The following PLCXD3 variants were observed in gnomAD, a reference collection of about 807,000 sequenced individuals.
The protein encoded by PLCXD3 is PI-PLC X domain-containing protein 3.
A neutral mutation model predicts 25.5 loss-of-function variants in PLCXD3; 19 were observed. The observed-to-expected ratio is 0.75, with a 90% CI of 0.52 to 1.09. PLCXD3 has a LOEUF of 1.09. PLCXD3 is among the 50% of genes least tolerant of loss of function. The pLI is 0.00. For missense variants in PLCXD3, 411 were observed against 388.1 expected (o/e 1.06, Z -0.50); for synonymous variants, 174 against 137.6 (o/e 1.26, Z -1.85).
At chr5:41,422,424 T>C (rs1477341663) in intron 1 of PLCXD3, among the ~76,000 whole-genome samples, 1 of 152,206 alleles carries the variant, frequency 6.6e-6, no homozygotes, top group African/African-American at 2.4e-5. Flanking sequence ...CATCTTTTCA[T>C]ATCTGGGTAG....
chr5:41,376,625 T>C (rs319005), intron 2 of PLCXD3, among the ~76,000 whole-genome samples: 43,565 of 151,982 alleles, frequency 0.29, 6,985 homozygotes, highest in African/African-American at 0.42. Context: ...GCTACCCCTA[T>C]CCATCTCTGC....
chr5:41,386,457 G>A (rs1450107496), intron 1 of PLCXD3, among the ~76,000 whole-genome samples: 1 of 152,076 alleles, frequency 6.6e-6, no homozygotes, highest in African/African-American at 2.4e-5. Context: ...GGTATGGTAG[G>A]AAGATTGCCC....
At chr5:41,479,210 C>T (rs1748342627) in intron 1 of PLCXD3, among the ~76,000 whole-genome samples, 1 of 152,086 alleles carries the variant, frequency 6.6e-6, no homozygotes, top group Non-Finnish European at 1.5e-5. Flanking sequence ...CAGACCCATG[C>T]AAAGTGAAAT....
At chr5:41,376,522 C>T (rs1242217967) in intron 2 of PLCXD3, among the ~76,000 whole-genome samples, 1 of 152,070 alleles carries the variant, frequency 6.6e-6, no homozygotes, top group Admixed American at 6.6e-5. Context: ...TTCCTTTGCA[C>T]ATCACTCTGT....
intron 2 of PLCXD3, among the ~76,000 whole-genome samples, chr5:41,372,347 C>A (rs1677460): frequency 5.3e-5 from 7 of 132,470 alleles, no homozygotes; most frequent in East Asian, 2.1e-4. Flanking sequence ...CACACACACA[C>A]ACCAGGCACT....
At chr5:41,467,488 C>G (rs1748044813) in intron 1 of PLCXD3, among the ~76,000 whole-genome samples, 2 of 152,024 alleles carry the variant, frequency 1.3e-5, no homozygotes, top group Non-Finnish European at 2.9e-5. Flanking sequence ...AGTATTTTCT[C>G]CCATTCTGTG....
intron 1 of PLCXD3, among the ~76,000 whole-genome samples, chr5:41,502,506 T>C (rs1440805129): frequency 6.6e-6 from 1 of 152,084 alleles, no homozygotes; most frequent in Non-Finnish European, 1.5e-5. Context: ...AGATGTGATG[T>C]AATCAGTACA....
intron 1 of PLCXD3, among the ~76,000 whole-genome samples, chr5:41,458,418 C>T (rs547531096): frequency 1.3e-4 from 20 of 151,898 alleles, no homozygotes; most frequent in African/African-American, 3.6e-4. Flanking sequence ...GAAATGTGAC[C>T]AGGCTGAATA....
chr5:41,319,932 T>C (rs1743414262), intron 2 of PLCXD3, among the ~76,000 whole-genome samples: 1 of 152,076 alleles, frequency 6.6e-6, no homozygotes, highest in South Asian at 2.1e-4. Context: ...ACATTACAAC[T>C]GACACTGCAG....
intron 2 of PLCXD3, among the ~76,000 whole-genome samples, chr5:41,356,988 A>G (rs776610499): frequency 6.6e-6 from 1 of 152,228 alleles, no homozygotes; most frequent in Non-Finnish European, 1.5e-5. Flanking sequence ...GGTGATAGAG[A>G]TCCTAGATGC....
In PLCXD3 at chr5:41,470,866, C is replaced by T. The variant is rs949686826; in HGVS notation, c.103+39558G>A. ...ATACATTTGCCACCTGATCTGCCGG[C>T]AGTGAGTCCCAAGAGTTAATAAACT... On this transcript the variant is annotated intron_variant, in intron 1 of 2. Coordinates refer to ENST00000377801, the MANE Select transcript of PLCXD3 (RefSeq NM_001005473.3). Among the ~76,000 whole-genome samples, 3 of 152,164 alleles carry T rather than the reference C, an allele frequency of 2.0e-5. 1 individual carries two copies. Among genetic ancestry groups the T allele is most frequent in the Non-Finnish European group, 4.4e-5 (3 of 68,028 alleles).
intron 2 of PLCXD3, among the ~76,000 whole-genome samples, chr5:41,367,462 A>G (rs1005880522): frequency 1.3e-5 from 2 of 151,994 alleles, no homozygotes; most frequent in Non-Finnish European, 2.9e-5. Flanking sequence ...TCTGTTCATC[A>G]TGTCCTTTGC....
intron 1 of PLCXD3, among the ~76,000 whole-genome samples, chr5:41,425,739 CT>C (rs928786708): frequency 6.6e-6 from 1 of 152,104 alleles, no homozygotes; most frequent in African/African-American, 2.4e-5. Context: ...AGTATGGAGG[CT>C]TTTTGTACTG....
At chr5:41,435,532 G>A (rs909613518) in intron 1 of PLCXD3, among the ~76,000 whole-genome samples, 4 of 152,164 alleles carry the variant, frequency 2.6e-5, no homozygotes, top group African/African-American at 9.7e-5. Context: ...GATGGGAAAG[G>A]TTTTGAGTTT....
intron 1 of PLCXD3, among the ~76,000 whole-genome samples, chr5:41,488,979 G>C (rs958426325): frequency 6.6e-6 from 1 of 152,012 alleles, no homozygotes; most frequent in East Asian, 1.9e-4. Context: ...ATTGCTTTTG[G>C]TGTTTTAGAC....
chr5:41,334,517 A>G (rs1420275134), intron 2 of PLCXD3, among the ~76,000 whole-genome samples: 1 of 152,120 alleles, frequency 6.6e-6, no homozygotes, highest in Non-Finnish European at 1.5e-5. Context: ...CAGTTTTCCA[A>G]GTGGAAAATT....
chr5:41,422,653 T>G (rs1746855034), intron 1 of PLCXD3, among the ~76,000 whole-genome samples: 1 of 152,226 alleles, frequency 6.6e-6, no homozygotes, highest in Non-Finnish European at 1.5e-5. Context: ...TTCTCTTCAT[T>G]TCCTCAGATC....
chr5:41,492,663 C>T (rs1302467272), intron 1 of PLCXD3, among the ~76,000 whole-genome samples: 2 of 152,124 alleles, frequency 1.3e-5, no homozygotes, highest in African/African-American at 2.4e-5. Flanking sequence ...CTAAACTTCC[C>T]TTCTCGCTTC....
intron 2 of PLCXD3, among the ~76,000 whole-genome samples, chr5:41,326,062 C>A (rs2150471823): frequency 6.6e-6 from 1 of 152,306 alleles, no homozygotes; most frequent in South Asian, 2.1e-4. Context: ...ATGCCATCAT[C>A]TTGAAGGTTA....
Sources: gnomAD v4.1 joint callset for allele counts (sites outside exome capture counted in the v4.1 genomes callset) on GRCh38, gnomAD v4.1.1 for gene constraint, MANE v1.5 for transcripts, NCBI Gene and HGNC (gene_info 2026-07-23, HGNC 2026-07-21) for gene names.